Variants in LOXL2 observed in about 807,000 individuals in gnomAD.
The protein encoded by LOXL2 is lysyl oxidase homolog 2.
A neutral mutation model predicts 93.0 loss-of-function variants in LOXL2; 70 were observed. The ratio of observed to expected loss-of-function variants is 0.75; its 90% CI spans 0.62 to 0.92. LOXL2 has a LOEUF of 0.92. LOXL2 is among the 40% of genes least tolerant of loss of function. The pLI is 0.00. For missense variants in LOXL2, 973 were observed against 1,054.9 expected, an observed-to-expected ratio of 0.92 and a Z score of 1.08; for synonymous variants, 438 against 413.2, an observed-to-expected ratio of 1.06 and a Z score of -0.73.
At chr8:23,302,858 G>A (rs916203654) in intron 11 of LOXL2, among the ~76,000 whole-genome samples, 5 of 152,032 alleles carry the variant, frequency 3.3e-5, no homozygotes, top group Non-Finnish European at 4.4e-5. Flanking sequence ...ACGGGGGGGC[G>A]CTTCAGAGGA....
Position 23,298,007 on chromosome 8 carries a change from G to T in LOXL2, c.*36C>A. ...GGGGAAGTCCCATGGAAGATGTGGT[G>T]TGGCCTGAAGACAGGAGTTGACCAC... is the stretch of plus-strand genomic sequence containing the variant. On this transcript the variant is annotated 3_prime_UTR_variant, in exon 14 of 14. Coordinates refer to ENST00000389131, the MANE Select transcript of LOXL2 (RefSeq NM_002318.3). 6.4e-7 allele frequency: 1 copy of T among 1,563,362 alleles called. No homozygotes were observed. The highest frequency in any genetic ancestry group is 1.3e-5 in the African/African-American group (1 of 74,080).
At chr8:23,369,603 A>G (rs149751022) in intron 1 of LOXL2, among the ~76,000 whole-genome samples, 42 of 152,258 alleles carry the variant, frequency 2.8e-4, no homozygotes, top group African/African-American at 9.6e-4. Flanking sequence ...AGGCAGTTCC[A>G]TGTCTGTTGG....
chr8:23,303,373 G>A lies in LOXL2; in HGVS notation c.1905C>T (p.Phe635=), dbSNP rs1453459731. The A allele has an allele frequency of 1.2e-6, 2 of 1,612,178 alleles. No individual in the cohort carries two copies. Among genetic ancestry groups the A allele is most frequent in the Admixed American group, 3.3e-5 (2 of 60,008 alleles). The change falls in exon 11 of 14, where the codon TTC becomes TTT. Residue 635 remains phenylalanine, a synonymous_variant. Coordinates refer to ENST00000389131, the MANE Select transcript of LOXL2 (RefSeq NM_002318.3). ...TGAGGTTCAGCAGGTCATAGTGGGT[G>A]AACACCTCCATGCTGTGGTAGTGCC... ...CHRHYHSMEV[F]THYDLLNLNG...
intron 1 of LOXL2, among the ~76,000 whole-genome samples, chr8:23,376,889 A>G (rs1804603824): frequency 6.6e-6 from 1 of 152,158 alleles, no homozygotes. Context: ...TCAAAAAACC[A>G]GCTCCTGGAT....
intron 10 of LOXL2, among the ~76,000 whole-genome samples, chr8:23,308,624 G>A (rs886287449): frequency 6.6e-6 from 1 of 152,218 alleles, no homozygotes; most frequent in Non-Finnish European, 1.5e-5. Flanking sequence ...GCAGGCTCTG[G>A]ATTAGATTAA....
At chr8:23,326,167 G>C (rs1297696702) in intron 6 of LOXL2, among the ~76,000 whole-genome samples, 1 of 152,168 alleles carries the variant, frequency 6.6e-6, no homozygotes, top group Admixed American at 6.5e-5. Flanking sequence ...CTGCCTACTA[G>C]AGTTGACCCT....
intron 8 of LOXL2, among the ~76,000 whole-genome samples, chr8:23,319,103 A>G (rs1015133491): frequency 5.3e-5 from 8 of 152,254 alleles, no homozygotes; most frequent in African/African-American, 1.9e-4. Context: ...AAGCTGCTTA[A>G]TGGAAGTGTT....
At position 23,372,419 on chromosome 8, in the gene LOXL2, T is replaced by G. The variant is rs572056648; in HGVS notation, c.-83-3985A>C. ...TTTGAGTAGAGATGGGGTTTCACCA[T>G]GTTGGCCAGGCTGGTCTCAAACCCC... is the stretch of plus-strand genomic sequence containing the variant. On this transcript the variant is annotated intron_variant, in intron 1 of 13. Transcript: ENST00000389131. Among the ~76,000 whole-genome samples the G allele has an allele frequency of 2.6e-5, 4 of 152,226 alleles. No homozygotes were observed. In the East Asian group the frequency reaches 7.7e-4, roughly 29 times the overall value.
intron 3 of LOXL2, among the ~76,000 whole-genome samples, chr8:23,342,426 T>C (rs1260997966): frequency 2.7e-5 from 4 of 150,412 alleles, no homozygotes; most frequent in African/African-American, 9.9e-5. Flanking sequence ...GCCTCTTTTT[T>C]CTTTTTCTTT....
At chr8:23,379,734 G>A (rs977882348) in intron 1 of LOXL2, among the ~76,000 whole-genome samples, 2 of 152,192 alleles carry the variant, frequency 1.3e-5, no homozygotes, top group East Asian at 1.9e-4. Flanking sequence ...GGGACCCCCC[G>A]AGCCAGGCAT....
At chr8:23,380,170 G>A (rs139506889) in intron 1 of LOXL2, among the ~76,000 whole-genome samples, 2,267 of 152,144 alleles carry the variant, frequency 0.015, 51 homozygotes, top group African/African-American at 0.052. Flanking sequence ...CAAGGCAGGC[G>A]GATCACGAGG....
intron 6 of LOXL2, among the ~76,000 whole-genome samples, chr8:23,327,310 C>G (rs1235276158): frequency 1.3e-5 from 2 of 152,240 alleles, no homozygotes; most frequent in African/African-American, 4.8e-5. Context: ...ATTCTACAGT[C>G]TCACACAGAA....
At chr8:23,338,075 C>T (rs1447264205) in intron 4 of LOXL2, among the ~76,000 whole-genome samples, 6 of 152,190 alleles carry the variant, frequency 3.9e-5, no homozygotes, top group Non-Finnish European at 7.3e-5. Flanking sequence ...AACAAAGGCA[C>T]GTCTTACATG....
chr8:23,386,333 C>T (rs577299951), intron 1 of LOXL2, among the ~76,000 whole-genome samples: 1 of 152,276 alleles, frequency 6.6e-6, no homozygotes, highest in Admixed American at 6.5e-5. Flanking sequence ...GTGGAGGTTG[C>T]AGTGAGCTGA....
At chr8:23,375,555 T>A (rs377231913) in intron 1 of LOXL2, among the ~76,000 whole-genome samples, 12 of 152,068 alleles carry the variant, frequency 7.9e-5, no homozygotes, top group South Asian at 2.1e-4. Flanking sequence ...CATTTTCACG[T>A]TATTGATTCT....
Position 23,319,849 on chromosome 8 carries a change from G to C in LOXL2, c.1470+36C>G, listed in dbSNP as rs779513885. ...AAGACAGTGTGGTCAGACTGCATGG[G>C]GGGTGAATGCGGGGTCTGAGGCCGG... On this transcript the variant is annotated intron_variant, in intron 8 of 13. Coordinates refer to ENST00000389131, the MANE Select transcript of LOXL2 (RefSeq NM_002318.3). 14 of 1,603,840 alleles carry C rather than the reference G, an allele frequency of 8.7e-6. No homozygotes were observed. The East Asian group carries it at 1.1e-4, about 13-fold the overall frequency.
At chr8:23,384,909 AAAAC>A (rs1173026445) in intron 1 of LOXL2, among the ~76,000 whole-genome samples, 4 of 152,172 alleles carry the variant, frequency 2.6e-5, no homozygotes, top group African/African-American at 4.8e-5. Context: ...CCGTCTCAAG[AAAAC>A]AAACAAACAA....
At chr8:23,328,729 G>A in intron 5 of LOXL2, 164 bp from the exon 6 acceptor site, 1 of 630,642 alleles carries the variant, frequency 1.6e-6, no homozygotes, top group Non-Finnish European at 2.8e-6. Flanking sequence ...GTGTGTGTGT[G>A]TGTGTGTGTG....
intron 1 of LOXL2, among the ~76,000 whole-genome samples, chr8:23,370,359 A>G (rs1804475140): frequency 6.6e-6 from 1 of 151,776 alleles, no homozygotes; most frequent in Non-Finnish European, 1.5e-5. Flanking sequence ...TTGACATCAC[A>G]TTTTGCTGGT....
Sources: gnomAD v4.1 joint callset for allele counts (sites outside exome capture counted in the v4.1 genomes callset) on GRCh38, gnomAD v4.1.1 for gene constraint, MANE v1.5 for transcripts, NCBI Gene and HGNC (gene_info 2026-07-23, HGNC 2026-07-21) for gene names.